YPEL1: variants seen among roughly 807,000 people sequenced by gnomAD.
The protein encoded by YPEL1 is protein yippee-like 1.
A neutral mutation model predicts 17.3 loss-of-function variants in YPEL1; 7 were observed. The observed-to-expected ratio is 0.40, with a 90% CI of 0.23 to 0.76. The LOEUF (loss-of-function observed/expected upper bound fraction) is 0.76, where lower values mean the gene tolerates loss of function less well. Ranked by LOEUF, YPEL1 falls within the 30% of genes least tolerant of loss-of-function variation. The pLI is 0.35. For synonymous variants in YPEL1, 59 were observed against 59.6 expected (o/e 0.99, Z 0.05); for missense variants, 91 against 155.5 (o/e 0.59, Z 2.21).
intron 1 of YPEL1, among the ~76,000 whole-genome samples, chr22:21,718,533 T>C (rs2148608266): frequency 6.6e-6 from 1 of 151,510 alleles, no homozygotes; most frequent in East Asian, 1.9e-4. Flanking sequence ...AACAGGTCAA[T>C]GTGACATGAA....
intron 1 of YPEL1, among the ~76,000 whole-genome samples, chr22:21,712,329 T>C: frequency 6.8e-6 from 1 of 146,544 alleles, no homozygotes; most frequent in East Asian, 2.0e-4. Context: ...ATTCTCTATA[T>C]ATCCATATTC....
chr22:21,714,712 C>T (rs2068204409), intron 1 of YPEL1, among the ~76,000 whole-genome samples: 1 of 152,226 alleles, frequency 6.6e-6, no homozygotes, highest in African/African-American at 2.4e-5. Flanking sequence ...CAAGGTCATC[C>T]TGCCAGCAGC....
At chr22:21,718,308 A>G (rs985896482) in intron 1 of YPEL1, among the ~76,000 whole-genome samples, 2 of 151,208 alleles carry the variant, frequency 1.3e-5, no homozygotes, top group Non-Finnish European at 3.0e-5. Flanking sequence ...CTAAAAATAC[A>G]AAAAAAATTA....
intron 1 of YPEL1, among the ~76,000 whole-genome samples, chr22:21,712,174 CTAAA>C (rs924313617): frequency 2.0e-5 from 3 of 152,076 alleles, no homozygotes; most frequent in South Asian, 4.1e-4. Context: ...AACCCTGTCT[CTAAA>C]TAAATAAATA....
chr22:21,714,341 T>C (rs2068200982), intron 1 of YPEL1, among the ~76,000 whole-genome samples: 1 of 152,182 alleles, frequency 6.6e-6, no homozygotes, highest in African/African-American at 2.4e-5. Flanking sequence ...TAACTTGGAC[T>C]TGGTGCTTCT....
intron 2 of YPEL1, among the ~76,000 whole-genome samples, chr22:21,708,976 T>C (rs976257056): frequency 6.6e-6 from 1 of 152,248 alleles, no homozygotes; most frequent in Non-Finnish European, 1.5e-5. Context: ...GCCCAGCTGA[T>C]ACAATTTTTA....
rs147967901 is a variant in YPEL1 at position 21,703,708 on chromosome 22, C to CGGGGG, written c.161+130_161+131insCCCCC. On this transcript the variant is annotated intron_variant, in intron 3 of 4. Transcript: ENST00000339468. The surrounding 1 kb of genome is among the most constrained non-coding windows in gnomAD (Gnocchi z 6.1). ...ATCCTTAGCGCGTTTCAGAAACTCC[C>CGGGGG]GGCGGGGGGATGGTGGGTTCTTTCA... 261 of 990,172 alleles carry CGGGGG rather than the reference C, an allele frequency of 2.6e-4. No individual in the cohort carries two copies. Among genetic ancestry groups the CGGGGG allele is most frequent in the Non-Finnish European group, 3.4e-4 (229 of 675,014 alleles). 61.3% of individuals were successfully genotyped at this position (990,172 alleles called of 1,614,324 possible).
intron 1 of YPEL1, among the ~76,000 whole-genome samples, chr22:21,724,252 A>G (rs2068311136): frequency 6.6e-6 from 1 of 152,120 alleles, no homozygotes; most frequent in Non-Finnish European, 1.5e-5. Context: ...GAAATAGTTC[A>G]TTAAGGCTGG....
At chr22:21,702,780 A>C (rs1440735348) in intron 4 of YPEL1, among the ~76,000 whole-genome samples, 3 of 152,182 alleles carry the variant, frequency 2.0e-5, no homozygotes, top group African/African-American at 7.2e-5. Flanking sequence ...ACTTCAGGGC[A>C]GCGTAGAGGA....
At chr22:21,702,134 G>A (rs2068072426) in intron 4 of YPEL1, among the ~76,000 whole-genome samples, 1 of 152,194 alleles carries the variant, frequency 6.6e-6, no homozygotes, top group Non-Finnish European at 1.5e-5. Context: ...TGTGTGGCCT[G>A]GTGCTAGGGA....
At chr22:21,713,892 C>T (rs533838638) in intron 1 of YPEL1, among the ~76,000 whole-genome samples, 2 of 152,318 alleles carry the variant, frequency 1.3e-5, no homozygotes, top group African/African-American at 4.8e-5. Context: ...TGGCCTGTGA[C>T]AAGGGGCCTG....
intron 1 of YPEL1, among the ~76,000 whole-genome samples, chr22:21,712,553 C>A (rs979831196): frequency 3.3e-5 from 5 of 151,386 alleles, no homozygotes; most frequent in African/African-American, 1.2e-4. Flanking sequence ...GGCGAAACCC[C>A]GTCTCTACTA....
chr22:21,709,093 A>G (rs2068141349), intron 2 of YPEL1, among the ~76,000 whole-genome samples: 1 of 152,158 alleles, frequency 6.6e-6, no homozygotes, highest in South Asian at 2.1e-4. Flanking sequence ...AAAACCATGC[A>G]TGGGGCCGGA....
chr22:21,698,601 C>T lies in YPEL1; in HGVS notation c.*2528G>A, dbSNP rs2068026663. 1 of 152,356 alleles carries T rather than the reference C, an allele frequency of 6.6e-6. No homozygotes were observed. The highest frequency in any genetic ancestry group is 1.5e-5 in the Non-Finnish European group (1 of 68,040). 9.4% of individuals were successfully genotyped at this position (152,356 alleles called of 1,614,324 possible). A position where few individuals can be genotyped will look rare whatever the true frequency, so the allele number is the denominator to read the frequency against. Reference sequence around the variant, plus strand: ...CATGGGAGAGGAATGAAGACTCACTCAAAGGGAAGGGTCAGTTTAAGATAA... The same window carrying T: ...CATGGGAGAGGAATGAAGACTCACTTAAAGGGAAGGGTCAGTTTAAGATAA... On this transcript the variant is annotated 3_prime_UTR_variant, in exon 5 of 5. Coordinates refer to ENST00000339468, the MANE Select transcript of YPEL1 (RefSeq NM_013313.5).
In YPEL1 at chr22:21,698,862, C is replaced by T. The variant is rs529410428; in HGVS notation, c.*2267G>A. 2 of 152,632 alleles carry T rather than the reference C, an allele frequency of 1.3e-5. No individual in the cohort carries two copies. Among genetic ancestry groups the T allele is most frequent in the South Asian group, 2.1e-4 (1 of 4,830 alleles). 9.5% of individuals were successfully genotyped at this position (152,632 alleles called of 1,614,324 possible). A position where few individuals can be genotyped will look rare whatever the true frequency, so the allele number is the denominator to read the frequency against. ...GATGTGCTGGGCCAGCCTAAACCCT[C>T]GGGGGAGACTAGCGCAGGGATAAAG... On this transcript the variant is annotated 3_prime_UTR_variant, in exon 5 of 5. Transcript: ENST00000339468.
chr22:21,702,644 G>T (rs1171953553), intron 4 of YPEL1, among the ~76,000 whole-genome samples: 1 of 152,128 alleles, frequency 6.6e-6, no homozygotes, highest in Admixed American at 6.5e-5. Flanking sequence ...ACAACAACTG[G>T]GGAAGGCATG....
intron 1 of YPEL1, among the ~76,000 whole-genome samples, chr22:21,734,032 TTAAG>T (rs1228828114): frequency 6.6e-6 from 1 of 152,180 alleles, no homozygotes; most frequent in Non-Finnish European, 1.5e-5. Flanking sequence ...CTGGGAAACA[TTAAG>T]TGAGACCCCA....
At chr22:21,730,683 G>A (rs1308621476) in intron 1 of YPEL1, among the ~76,000 whole-genome samples, 1 of 152,216 alleles carries the variant, frequency 6.6e-6, no homozygotes, top group Non-Finnish European at 1.5e-5. Flanking sequence ...CATTACAGGA[G>A]GAAAAGCTCC....
intron 1 of YPEL1, among the ~76,000 whole-genome samples, chr22:21,721,364 C>T (rs528905229): frequency 1.2e-3 from 179 of 150,678 alleles, no homozygotes; most frequent in African/African-American, 3.9e-3. Flanking sequence ...GTGATCTGCC[C>T]GCCGCAGCCT....
Sources: allele counts gnomAD v4.1 joint callset (sites outside exome capture counted in the v4.1 genomes callset), GRCh38; gene constraint gnomAD v4.1.1; non-coding constraint Gnocchi (gnomAD v3.1); transcripts MANE v1.5; gene names NCBI Gene and HGNC (gene_info 2026-07-23, HGNC 2026-07-21).